The following ATXN7L3B variants were observed in gnomAD, a reference collection of about 807,000 sequenced individuals.
The protein encoded by ATXN7L3B is ataxin 7 like 3B.
ATXN7L3B carries 4 observed loss-of-function variants against 6.3 expected under a neutral mutation model. That is an observed-to-expected ratio of 0.63 (90% CI 0.31 to 1.45). ATXN7L3B has a LOEUF of 1.45. ATXN7L3B is among the 40% of genes most tolerant of loss of function. ATXN7L3B has a pLI of 0.07. For synonymous variants in ATXN7L3B, 63 were observed against 48.0 expected, an observed-to-expected ratio of 1.31 and a Z score of -1.29; for missense variants, 120 against 118.5, an observed-to-expected ratio of 1.01 and a Z score of -0.06.
In ATXN7L3B at chr12:74,543,490, GTAAA is replaced by G. The variant is rs1161668791; in HGVS notation, c.*5086_*5089del. 7.4e-4 allele frequency: 112 copies of G among 152,108 alleles called. 2 individuals are homozygous for G. Among genetic ancestry groups the G allele is most frequent in the Admixed American group, 7.3e-3 (112 of 15,280 alleles). 9.4% of individuals were successfully genotyped at this position (152,108 alleles called of 1,614,324 possible). A position where few individuals can be genotyped will look rare whatever the true frequency, so the allele number is the denominator to read the frequency against. ...ACTCAAGGAATTGTTAATTTTTTAA[GTAAA>G]TGAATACATCTATAACTTTTAAAAC... On this transcript the variant is annotated 3_prime_UTR_variant, in exon 1 of 1. Transcript: ENST00000519948.
Position 74,541,352 on chromosome 12 carries a change from A to G in ATXN7L3B, c.*2946A>G, listed in dbSNP as rs1868892997. 4 of 166,928 alleles carry G rather than the reference A, an allele frequency of 2.4e-5. No individual in the cohort carries two copies. The highest frequency in any genetic ancestry group is 5.9e-5 in the Non-Finnish European group (4 of 68,128). The allele number at this position is 166,928 out of a possible 1,614,324, so 10.3% of individuals were successfully genotyped here. ...TTTTTGCATAAGTAGTCCATCCTAT[A>G]CAGATAGCTGATTAACTGTATTCCC... On this transcript the variant is annotated 3_prime_UTR_variant, in exon 1 of 1. Transcript: ENST00000519948.
chr12:74,543,441 A>G lies in ATXN7L3B; in HGVS notation c.*5035A>G, dbSNP rs73360983. On this transcript the variant is annotated 3_prime_UTR_variant, in exon 1 of 1. Transcript: ENST00000519948. Reference sequence around the variant, plus strand: ...TTTGAAAACAAAAAAAGGGAAGTCTATTTTAAAATAGAACTCAAAAGTAAC... The same window carrying G: ...TTTGAAAACAAAAAAAGGGAAGTCTGTTTTAAAATAGAACTCAAAAGTAAC... 29 of 152,258 alleles carry G rather than the reference A, an allele frequency of 1.9e-4. No homozygotes were observed. The highest frequency in any genetic ancestry group is 6.7e-4 in the African/African-American group (28 of 41,582). 9.4% of individuals were successfully genotyped at this position (152,258 alleles called of 1,614,324 possible).
Position 74,538,316 on chromosome 12 carries a change from A to G in ATXN7L3B, c.204A>G (p.Gly68=), listed in dbSNP as rs766902723. 4 of 1,554,230 alleles carry G rather than the reference A, an allele frequency of 2.6e-6. No homozygotes were observed. In the South Asian group the frequency reaches 4.8e-5, roughly 18 times the overall value. Residue 68 remains glycine, a synonymous_variant, in exon 1 of 1, where the codon GGA becomes GGG. Transcript: ENST00000519948. ...GCATTCAGCCAGTGGAAGACAAAGG[A>G]GCGTGCCGCCTCCCGCTTTGCTCCC... ...DFGIQPVEDK[G]ACRLPLCSLP...
chr12:74,541,596 A>T lies in ATXN7L3B; in HGVS notation c.*3190A>T, dbSNP rs767977805. ...TTTTATCAGAACAGAGAAACTGTCCAACCTTGTTTCTCAATTTGGCCTGCA... is the reference window on the plus strand; with the variant it reads ...TTTTATCAGAACAGAGAAACTGTCCTACCTTGTTTCTCAATTTGGCCTGCA... On this transcript the variant is annotated 3_prime_UTR_variant, in exon 1 of 1. Transcript: ENST00000519948. 5.2e-5 allele frequency: 8 copies of T among 152,468 alleles called. No homozygotes were observed. The highest frequency in any genetic ancestry group is 2.0e-4 in the Admixed American group (3 of 15,302). 9.4% of individuals were successfully genotyped at this position (152,468 alleles called of 1,614,324 possible). A position where few individuals can be genotyped will look rare whatever the true frequency, so the allele number is the denominator to read the frequency against.
rs1189658443 is a variant in ATXN7L3B at position 74,541,172 on chromosome 12, G to C, written c.*2766G>C. ...TGTGTGTGTTATGGGGGAAGGGGGG[G>C]GTTCTTTAAAATTTCTGTGGTTTGT... is the stretch of plus-strand genomic sequence containing the variant. On this transcript the variant is annotated 3_prime_UTR_variant, in exon 1 of 1. Coordinates refer to ENST00000519948, the MANE Select transcript of ATXN7L3B (RefSeq NM_001136262.2). The C allele has an allele frequency of 6.0e-6, 1 of 167,496 alleles. No homozygotes were observed. Among genetic ancestry groups the C allele is most frequent in the Non-Finnish European group, 1.5e-5 (1 of 68,822 alleles). The allele number at this position is 167,496 out of a possible 1,614,324, so 10.4% of individuals were successfully genotyped here. A position where few individuals can be genotyped will look rare whatever the true frequency, so the allele number is the denominator to read the frequency against.
At position 74,543,723 on chromosome 12, in the gene ATXN7L3B, A is replaced by C. The variant is rs75447283; in HGVS notation, c.*5317A>C. 6.6e-6 allele frequency: 1 copy of C among 152,188 alleles called. No homozygotes were observed. The highest frequency in any genetic ancestry group is 2.4e-5 in the African/African-American group (1 of 41,582). 9.4% of individuals were successfully genotyped at this position (152,188 alleles called of 1,614,324 possible). Reference sequence around the variant, plus strand: ...CTCAAAATCATCACATTACCATTAGAGAAAATCCATGTGAAAATTTGAACT... The same window carrying C: ...CTCAAAATCATCACATTACCATTAGCGAAAATCCATGTGAAAATTTGAACT... On this transcript the variant is annotated 3_prime_UTR_variant, in exon 1 of 1. Coordinates refer to ENST00000519948, the MANE Select transcript of ATXN7L3B (RefSeq NM_001136262.2).
At position 74,540,219 on chromosome 12, in the gene ATXN7L3B, C is replaced by T. The variant is rs543402487; in HGVS notation, c.*1813C>T. On this transcript the variant is annotated 3_prime_UTR_variant, in exon 1 of 1. Transcript: ENST00000519948. ...CAGTGTCATGCCTATAAGCATTTCT[C>T]CTATATAGGACTGCTTTGCTAGTGT... 2.4e-5 allele frequency: 4 copies of T among 167,084 alleles called. No homozygotes were observed. The South Asian group carries it at 6.2e-4, about 26-fold the overall frequency. The allele number at this position is 167,084 out of a possible 1,614,324, so 10.4% of individuals were successfully genotyped here.
In ATXN7L3B at chr12:74,538,047, C is replaced by G; in HGVS notation, c.-66C>G. 1 of 1,490,924 alleles carries G rather than the reference C, an allele frequency of 6.7e-7. No homozygotes were observed. Among genetic ancestry groups the G allele is most frequent in the Admixed American group, 2.1e-5 (1 of 48,676 alleles). The allele number at this position is 1,490,924 out of a possible 1,614,324, so 92.4% of individuals were successfully genotyped here. ...GGCCTCTAGGCCTAGGCGCGGCCCGCGGAGCCAGACGTGTTGCTGCCGTGA... is the reference window on the plus strand; with the variant it reads ...GGCCTCTAGGCCTAGGCGCGGCCCGGGGAGCCAGACGTGTTGCTGCCGTGA... On this transcript the variant is annotated 5_prime_UTR_variant, in exon 1 of 1. Transcript: ENST00000519948.
At position 74,538,063 on chromosome 12, in the gene ATXN7L3B, GC is replaced by G. The variant is rs1245368757; in HGVS notation, c.-49del. On this transcript the variant is annotated 5_prime_UTR_variant, in exon 1 of 1. Coordinates refer to ENST00000519948, the MANE Select transcript of ATXN7L3B (RefSeq NM_001136262.2). The stretch of plus-strand genomic sequence containing the variant: ...CGCGGCCCGCGGAGCCAGACGTGTT[GC>G]TGCCGTGAGTAAAACGAGCGCCCTC... The G allele has an allele frequency of 1.3e-6, 2 of 1,525,274 alleles. No individual in the cohort carries two copies. The highest frequency in any genetic ancestry group is 4.9e-5 in the East Asian group (2 of 40,762). The allele number at this position is 1,525,274 out of a possible 1,614,324, so 94.5% of individuals were successfully genotyped here. A position where few individuals can be genotyped will look rare whatever the true frequency, so the allele number is the denominator to read the frequency against.
At position 74,544,532 on chromosome 12, in the gene ATXN7L3B, G is replaced by C. The variant is rs1868976947; in HGVS notation, c.*6126G>C. 1 of 151,996 alleles carries C rather than the reference G, an allele frequency of 6.6e-6. No homozygotes were observed. Among genetic ancestry groups the C allele is most frequent in the South Asian group, 2.1e-4 (1 of 4,834 alleles). The allele number at this position is 151,996 out of a possible 1,614,324, so 9.4% of individuals were successfully genotyped here. A position where few individuals can be genotyped will look rare whatever the true frequency, so the allele number is the denominator to read the frequency against. ...AGATTACACGTTTATGTCTTGATGT[G>C]TGGTTAAATTTGTATTATAATCAGT... On this transcript the variant is annotated 3_prime_UTR_variant, in exon 1 of 1. Coordinates refer to ENST00000519948, the MANE Select transcript of ATXN7L3B (RefSeq NM_001136262.2).
rs541014979 is a variant in ATXN7L3B at position 74,545,044 on chromosome 12, T to A, written c.*6638T>A. The A allele has an allele frequency of 9.2e-5, 14 of 152,196 alleles. No homozygotes were observed. In the East Asian group the frequency reaches 1.9e-3, roughly 21 times the overall value. The allele number at this position is 152,196 out of a possible 1,614,324, so 9.4% of individuals were successfully genotyped here. ...CCTACTCAGTATGATTAAATTTTTTTAAATGGTGATGACATCAACTCTGAA... is the reference window on the plus strand; with the variant it reads ...CCTACTCAGTATGATTAAATTTTTTAAAATGGTGATGACATCAACTCTGAA... On this transcript the variant is annotated 3_prime_UTR_variant, in exon 1 of 1. Transcript: ENST00000519948.
In ATXN7L3B at chr12:74,537,954, C is replaced by G. The variant is rs1482324493; in HGVS notation, c.-159C>G. 1.6e-6 allele frequency: 1 copy of G among 637,806 alleles called. No individual in the cohort carries two copies. The highest frequency in any genetic ancestry group is 2.7e-6 in the Non-Finnish European group (1 of 368,712). 39.5% of individuals were successfully genotyped at this position (637,806 alleles called of 1,614,324 possible). ...GAAGGACTTGGGATTCCGGAGCAGTCGCCCCTATCGCTGCTCCTGCAGTTG... is the reference window on the plus strand; with the variant it reads ...GAAGGACTTGGGATTCCGGAGCAGTGGCCCCTATCGCTGCTCCTGCAGTTG... On this transcript the variant is annotated 5_prime_UTR_variant, in exon 1 of 1. Transcript: ENST00000519948.
At position 74,540,797 on chromosome 12, in the gene ATXN7L3B, T is replaced by C. The variant is rs1868872437; in HGVS notation, c.*2391T>C. On this transcript the variant is annotated 3_prime_UTR_variant, in exon 1 of 1. Transcript: ENST00000519948. ...GGGAACTCAAATCCTGAAATTACTG[T>C]TTTCTTTCTGGCCTTTTCTCCTGGT... The C allele has an allele frequency of 1.2e-5, 2 of 167,086 alleles. No individual in the cohort carries two copies. 10.4% of individuals were successfully genotyped at this position (167,086 alleles called of 1,614,324 possible).
In ATXN7L3B at chr12:74,544,408, G is replaced by A. The variant is rs1320865977; in HGVS notation, c.*6002G>A. 1 of 151,956 alleles carries A rather than the reference G, an allele frequency of 6.6e-6. No individual in the cohort carries two copies. The highest frequency in any genetic ancestry group is 1.5e-5 in the Non-Finnish European group (1 of 67,844). The allele number at this position is 151,956 out of a possible 1,614,324, so 9.4% of individuals were successfully genotyped here. A position where few individuals can be genotyped will look rare whatever the true frequency, so the allele number is the denominator to read the frequency against. On this transcript the variant is annotated 3_prime_UTR_variant, in exon 1 of 1. Transcript: ENST00000519948. ...AATTTTAAGATTTATATGAACACCA[G>A]ATGCTAGAATAGACAAGATCTTTTT...
rs1307670914 is a variant in ATXN7L3B, at chr12:74,544,157, A to G, written c.*5751A>G. ...TTTAAAAAGTGTTATTAAATTTAGAATGTAATTCAACAAGTTATAACAGTC... is the reference window on the plus strand; with the variant it reads ...TTTAAAAAGTGTTATTAAATTTAGAGTGTAATTCAACAAGTTATAACAGTC... On this transcript the variant is annotated 3_prime_UTR_variant, in exon 1 of 1. Transcript: ENST00000519948. 1.3e-5 allele frequency: 2 copies of G among 152,092 alleles called. No homozygotes were observed. The highest frequency in any genetic ancestry group is 4.8e-5 in the African/African-American group (2 of 41,470). 9.4% of individuals were successfully genotyped at this position (152,092 alleles called of 1,614,324 possible).
chr12:74,541,879 A>C lies in ATXN7L3B; in HGVS notation c.*3473A>C, dbSNP rs2136589796. 6.6e-6 allele frequency: 1 copy of C among 152,292 alleles called. No individual in the cohort carries two copies. The highest frequency in any genetic ancestry group is 1.5e-5 in the Non-Finnish European group (1 of 68,010). 9.4% of individuals were successfully genotyped at this position (152,292 alleles called of 1,614,324 possible). ...CTGCCTAATTTTTTTCTCAATACTT[A>C]AAAAATTACCTCAACACTTTAGATC... is the stretch of plus-strand genomic sequence containing the variant. On this transcript the variant is annotated 3_prime_UTR_variant, in exon 1 of 1. Coordinates refer to ENST00000519948, the MANE Select transcript of ATXN7L3B (RefSeq NM_001136262.2).
Position 74,540,483 on chromosome 12 carries a change from A to G in ATXN7L3B, c.*2077A>G. Reference sequence around the variant, plus strand: ...TACTTTAGAGGATTAAGGAAACCATAGAGTTTGGGCCTTGGAACTGTTACT... The same window carrying G: ...TACTTTAGAGGATTAAGGAAACCATGGAGTTTGGGCCTTGGAACTGTTACT... On this transcript the variant is annotated 3_prime_UTR_variant, in exon 1 of 1. Coordinates refer to ENST00000519948, the MANE Select transcript of ATXN7L3B (RefSeq NM_001136262.2). The G allele has an allele frequency of 6.0e-6, 1 of 167,372 alleles. No individual in the cohort carries two copies. The allele number at this position is 167,372 out of a possible 1,614,324, so 10.4% of individuals were successfully genotyped here. A position where few individuals can be genotyped will look rare whatever the true frequency, so the allele number is the denominator to read the frequency against.
chr12:74,539,643 G>T lies in ATXN7L3B; in HGVS notation c.*1237G>T, dbSNP rs1868830872. Reference sequence around the variant, plus strand: ...TCGAAAGGGATAGTCCTTTCCACTCGGTCCCCTTTGGATCTTCTTGACAAC... The same window carrying T: ...TCGAAAGGGATAGTCCTTTCCACTCTGTCCCCTTTGGATCTTCTTGACAAC... On this transcript the variant is annotated 3_prime_UTR_variant, in exon 1 of 1. Coordinates refer to ENST00000519948, the MANE Select transcript of ATXN7L3B (RefSeq NM_001136262.2). 2 of 167,022 alleles carry T rather than the reference G, an allele frequency of 1.2e-5. No homozygotes were observed. Among genetic ancestry groups the T allele is most frequent in the African/African-American group, 4.8e-5 (2 of 41,408 alleles). 10.3% of individuals were successfully genotyped at this position (167,022 alleles called of 1,614,324 possible). A position where few individuals can be genotyped will look rare whatever the true frequency, so the allele number is the denominator to read the frequency against.
rs184979396 is a variant in ATXN7L3B at position 74,545,380 on chromosome 12, G to A, written c.*6974G>A. 2 of 152,172 alleles carry A rather than the reference G, an allele frequency of 1.3e-5. No individual in the cohort carries two copies. The highest frequency in any genetic ancestry group is 6.5e-5 in the Admixed American group (1 of 15,292). The allele number at this position is 152,172 out of a possible 1,614,324, so 9.4% of individuals were successfully genotyped here. ...GTTTAACAATAGGCAAATCAATGCT[G>A]TATGTTGTTTAAATAATTGTGAATA... is the stretch of plus-strand genomic sequence containing the variant. On this transcript the variant is annotated 3_prime_UTR_variant, in exon 1 of 1. Transcript: ENST00000519948.
Sources: allele counts gnomAD v4.1 joint callset, GRCh38; gene constraint gnomAD v4.1.1; transcripts MANE v1.5; gene names NCBI Gene and HGNC (gene_info 2026-07-23, HGNC 2026-07-21).